Variants in AGBL4 observed in about 807,000 individuals in gnomAD.
The protein encoded by AGBL4 is cytosolic carboxypeptidase 6.
AGBL4 carries 58 observed loss-of-function variants against 66.4 expected under a neutral mutation model. The ratio of observed to expected loss-of-function variants is 0.87; its 90% CI spans 0.71 to 1.09. The LOEUF is 1.09. Ranked by LOEUF, AGBL4 falls within the 50% of genes least tolerant of loss-of-function variation. The pLI, the probability that AGBL4 is intolerant of heterozygous loss-of-function variation, is 0.00. For missense variants in AGBL4, 579 were observed against 631.0 expected (o/e 0.92, Z 0.88); for synonymous variants, 234 against 222.9 (o/e 1.05, Z -0.44).
intron 3 of AGBL4, among the ~76,000 whole-genome samples, chr1:49,351,719 A>T (rs1157374031): frequency 6.6e-6 from 1 of 152,160 alleles, no homozygotes. Flanking sequence ...GTCATGAGTT[A>T]TGGGTAGAAA....
At chr1:49,702,876 AT>A (rs1647126657) in intron 2 of AGBL4, among the ~76,000 whole-genome samples, 1 of 152,134 alleles carries the variant, frequency 6.6e-6, no homozygotes, top group South Asian at 2.1e-4. Context: ...CATAAAAAAA[AT>A]CTGACAAAAT....
intron 4 of AGBL4, among the ~76,000 whole-genome samples, chr1:49,116,668 C>T (rs1645530587): frequency 6.6e-6 from 1 of 152,114 alleles, no homozygotes; most frequent in East Asian, 1.9e-4. Context: ...GTGAATAGTG[C>T]CACAATAAAC....
At chr1:49,936,050 G>A (rs1394224438) in intron 1 of AGBL4, among the ~76,000 whole-genome samples, 1 of 152,132 alleles carries the variant, frequency 6.6e-6, no homozygotes, top group Non-Finnish European at 1.5e-5. Context: ...AGCTACAGGA[G>A]GAAATTCAAA....
intron 3 of AGBL4, among the ~76,000 whole-genome samples, chr1:49,493,359 A>C (rs975087947): frequency 6.6e-6 from 1 of 152,046 alleles, no homozygotes; most frequent in Non-Finnish European, 1.5e-5. Context: ...AACAGGCTTT[A>C]TACTAAAAAC....
At chr1:48,639,229 C>T (rs908897666) in intron 8 of AGBL4, among the ~76,000 whole-genome samples, 1 of 152,226 alleles carries the variant, frequency 6.6e-6, no homozygotes. Context: ...TGATATTCTT[C>T]AGTGAGTAGT....
chr1:49,541,927 T>G (rs1398579788), intron 3 of AGBL4, among the ~76,000 whole-genome samples: 1 of 152,040 alleles, frequency 6.6e-6, no homozygotes, highest in African/African-American at 2.4e-5. Context: ...TTGGAGAACC[T>G]TTACGTCTAG....
chr1:49,261,719 A>T (rs1653188635), intron 3 of AGBL4, among the ~76,000 whole-genome samples: 1 of 150,094 alleles, frequency 6.7e-6, no homozygotes, highest in East Asian at 2.0e-4. Context: ...AATATCGTGA[A>T]AATGGCCATA....
chr1:48,995,172 T>TC (rs1660906961), intron 5 of AGBL4, among the ~76,000 whole-genome samples: 1 of 152,190 alleles, frequency 6.6e-6, no homozygotes, highest in Admixed American at 6.5e-5. Context: ...TATGTGATCT[T>TC]CCCCTACTCT....
chr1:49,820,603 T>G (rs1031469529), intron 2 of AGBL4, among the ~76,000 whole-genome samples: 1 of 152,122 alleles, frequency 6.6e-6, no homozygotes, highest in African/African-American at 2.4e-5. Context: ...TGAGCCAAAG[T>G]TCCCCAAAGT....
chr1:48,831,881 C>T (rs954667696), intron 6 of AGBL4, among the ~76,000 whole-genome samples: 2 of 152,146 alleles, frequency 1.3e-5, no homozygotes, highest in East Asian at 3.9e-4. Context: ...AGTAATCAGA[C>T]CTGGCAATAC....
chr1:48,764,968 C>G (rs1487705681), intron 6 of AGBL4, among the ~76,000 whole-genome samples: 1 of 152,156 alleles, frequency 6.6e-6, no homozygotes, highest in African/African-American at 2.4e-5. Flanking sequence ...CATCTGATGA[C>G]AGGAGGCCTC....
chr1:49,204,917 A>G (rs890443300), intron 4 of AGBL4, among the ~76,000 whole-genome samples: 1 of 152,148 alleles, frequency 6.6e-6, no homozygotes, highest in Non-Finnish European at 1.5e-5. Flanking sequence ...AGATTCAGAG[A>G]GGCAAAATGA....
At chr1:48,789,437 C>T (rs913939387) in intron 6 of AGBL4, among the ~76,000 whole-genome samples, 14 of 151,990 alleles carry the variant, frequency 9.2e-5, no homozygotes, top group Admixed American at 2.6e-4. Flanking sequence ...TACAGGCGCC[C>T]GCCACCACGC....
At chr1:49,053,122 T>C (rs1431214496) in intron 4 of AGBL4, among the ~76,000 whole-genome samples, 1 of 152,166 alleles carries the variant, frequency 6.6e-6, no homozygotes, top group East Asian at 1.9e-4. Context: ...GTTGGCATCA[T>C]GCTCTTTCTT....
chr1:49,104,777 T>TA (rs1645263450), intron 4 of AGBL4, among the ~76,000 whole-genome samples: 1 of 152,200 alleles, frequency 6.6e-6, no homozygotes, highest in African/African-American at 2.4e-5. Context: ...GGAGGCACTA[T>TA]AGGTCTGAGA....
At position 49,380,028 on chromosome 1, in the gene AGBL4, G is replaced by C. The variant is rs140726810; in HGVS notation, c.283-134164C>G. Among the ~76,000 whole-genome samples the C allele has an allele frequency of 8.0e-3, 1,214 of 152,202 alleles. 8 individuals are homozygous for C. Among genetic ancestry groups the C allele is most frequent in the Middle Eastern group, 0.031 (9 of 294 alleles). On this transcript the variant is annotated intron_variant, in intron 3 of 13. Transcript: ENST00000371839. ...AAATTAGGCAGGAGAAGGAAATAAA[G>C]GGTATTCAATTAGGAAAAGAGGAAG...
chr1:49,850,433 A>G (rs1381367013), intron 2 of AGBL4, among the ~76,000 whole-genome samples: 1 of 152,162 alleles, frequency 6.6e-6, no homozygotes, highest in Non-Finnish European at 1.5e-5. Context: ...TTTCTGTTTT[A>G]TAATCCACTC....
chr1:49,405,903 C>T (rs1645186057), intron 3 of AGBL4, among the ~76,000 whole-genome samples: 4 of 152,176 alleles, frequency 2.6e-5, no homozygotes, highest in African/African-American at 9.7e-5. Context: ...ATAATATCTG[C>T]ACATTTGGAA....
intron 4 of AGBL4, among the ~76,000 whole-genome samples, chr1:49,107,778 C>T (rs1038141940): frequency 6.7e-6 from 1 of 149,988 alleles, no homozygotes; most frequent in Non-Finnish European, 1.5e-5. Context: ...AATTCCTTGC[C>T]TGGGTCAATA....
Sources: allele counts gnomAD v4.1 joint callset (sites outside exome capture counted in the v4.1 genomes callset), GRCh38; gene constraint gnomAD v4.1.1; transcripts MANE v1.5; gene names NCBI Gene and HGNC (gene_info 2026-07-23, HGNC 2026-07-21).